Variants in LSR observed in about 807,000 individuals in gnomAD.
The protein encoded by LSR is lipolysis stimulated lipoprotein receptor.
LSR carries 44 observed loss-of-function variants against 61.8 expected under a neutral mutation model. That is an observed-to-expected ratio of 0.71 (90% CI 0.56 to 0.91). The LOEUF is 0.91. Ranked by LOEUF, LSR falls within the 40% of genes least tolerant of loss-of-function variation. The pLI, the probability that LSR is intolerant of heterozygous loss-of-function variation, is 0.00. For missense variants in LSR, 911 were observed against 830.5 expected, an observed-to-expected ratio of 1.10 and a Z score of -1.19; for synonymous variants, 397 against 350.6, an observed-to-expected ratio of 1.13 and a Z score of -1.48.
chr19:35,262,940 T>C, intron 5 of LSR: 1 of 511,120 alleles, frequency 2.0e-6, no homozygotes, highest in Non-Finnish European at 3.4e-6. Flanking sequence ...GGTAAAAATG[T>C]CCAACAGTAC....
chr19:35,263,007 G>A (rs556250020), intron 5 of LSR: 49 of 275,602 alleles, frequency 1.8e-4, no homozygotes, highest in African/African-American at 1.0e-3. Context: ...TTGGCTAGGC[G>A]CAGTGATTAC....
chr19:35,267,794 C>T (rs1169129103), intron 9 of LSR, 30 bp from the exon 10 acceptor site: 2 of 1,613,916 alleles, frequency 1.2e-6, no homozygotes, highest in Non-Finnish European at 1.7e-6. Context: ...GTCCCCGCGG[C>T]TCATACCCTT....
chr19:35,260,856 GCATATAGT>G (rs1226381026), intron 3 of LSR, among the ~76,000 whole-genome samples: 2 of 151,236 alleles, frequency 1.3e-5, no homozygotes, highest in Non-Finnish European at 2.9e-5. Context: ...ACACACACAC[GCATATAGT>G]CCATTAGGCA....
intron 5 of LSR, chr19:35,264,306 A>T (rs2065968603): frequency 6.6e-6 from 1 of 152,156 alleles, no homozygotes; most frequent in African/African-American, 2.4e-5. Context: ...CAGAAGACAG[A>T]GAGAGAGGGA....
intron 5 of LSR, 91 bp downstream of exon 5, chr19:35,262,783 C>G: frequency 2.0e-6 from 3 of 1,512,622 alleles, no homozygotes; most frequent in Non-Finnish European, 2.7e-6. Context: ...AGGACAGTGG[C>G]GTTGGTCTGG....
rs745364316 is a variant in LSR at position 35,250,613 on chromosome 19, G to T, written c.408G>T (p.Val136=). Residue 136 remains valine, a synonymous_variant, in exon 2 of 10, where the codon GTG becomes GTT. Transcript: ENST00000605618. ...RVVATKQGNA[V]TLGDYYQGRR... ...TGGCCACCAAGCAGGGCAACGCTGT[G>T]ACCCTGGGAGATTACTACCAGGGCC... 1 of 1,592,670 alleles carries T rather than the reference G, an allele frequency of 6.3e-7. No individual in the cohort carries two copies. Among genetic ancestry groups the T allele is most frequent in the South Asian group, 1.1e-5 (1 of 89,580 alleles).
At position 35,267,905 on chromosome 19, in the gene LSR, AG is replaced by A. The variant is rs780347577; in HGVS notation, c.*48del. The A allele has an allele frequency of 1.3e-5, 20 of 1,597,960 alleles. No individual in the cohort carries two copies. The African/African-American group carries it at 2.0e-4, about 16-fold the overall frequency. ...TTTTGTATTTTTTTTTTTAATTTGA[AG>A]GAACACTGATGAAGCCCTGCCATAC... On this transcript the variant is annotated 3_prime_UTR_variant, in exon 10 of 10. Transcript: ENST00000605618.
At chr19:35,259,176 C>T (rs918816389) in intron 3 of LSR, 112 bp downstream of exon 3, 54 of 1,373,988 alleles carry the variant, frequency 3.9e-5, no homozygotes, top group Non-Finnish European at 4.9e-5. Flanking sequence ...TGGGCTCTGT[C>T]GCCTGCTCTG....
intron 3 of LSR, 135 bp downstream of exon 3, chr19:35,259,199 C>G: frequency 8.5e-7 from 1 of 1,174,398 alleles, no homozygotes. Flanking sequence ...CTCCCCCAGG[C>G]TCTGCCAGTC....
intron 5 of LSR, 110 bp downstream of exon 5, chr19:35,262,802 A>G (rs1239872567): frequency 2.2e-6 from 3 of 1,388,304 alleles, no homozygotes; most frequent in Non-Finnish European, 2.9e-6. Flanking sequence ...GGAGGGTGTG[A>G]ATTTAGCCAG....
intron 5 of LSR, 146 bp downstream of exon 5, chr19:35,262,838 TCTG>T: frequency 1.1e-6 from 1 of 906,354 alleles, no homozygotes; most frequent in East Asian, 2.7e-5. Context: ...CTGAGGAGGG[TCTG>T]CTGTTTAGAT....
In LSR at chr19:35,259,052, C is replaced by T; in HGVS notation, c.562C>T (p.Leu188Phe). 1 of 1,613,460 alleles carries T rather than the reference C, an allele frequency of 6.2e-7. No homozygotes were observed. The highest frequency in any genetic ancestry group is 8.5e-7 in the Non-Finnish European group (1 of 1,179,556). Reference protein sequence around the residue: ...LQGNNEAYAELIVLGRTSGVA... With the variant: ...LQGNNEAYAEFIVLGRTSGVA... ...GGGGAACAATGAGGCCTACGCAGAGCTCATCGTCCTTGGTGAGTGGGCCTG... is the reference window on the plus strand; with the variant it reads ...GGGGAACAATGAGGCCTACGCAGAGTTCATCGTCCTTGGTGAGTGGGCCTG... The change falls in exon 3 of 10, where the codon CTC (leucine) becomes TTC (phenylalanine). Residue 188 changes from leucine to phenylalanine, a missense_variant. Transcript: ENST00000605618.
chr19:35,256,699 G>GATGAATGA (rs71167530), intron 2 of LSR, among the ~76,000 whole-genome samples: 3,006 of 150,700 alleles, frequency 0.02, 94 homozygotes, highest in African/African-American at 0.067. Context: ...ATTGTTGAAG[G>GATGAATGA]ATGAATGAAT....
chr19:35,267,377 A>AGG lies in LSR; in HGVS notation c.1413_1414insGG (p.Ser472GlyfsTer77). 1.7e-6 allele frequency: 2 copies of AGG among 1,199,050 alleles called. No individual in the cohort carries two copies. The highest frequency in any genetic ancestry group is 2.4e-6 in the Non-Finnish European group (2 of 833,256). 74.3% of individuals were successfully genotyped at this position (1,199,050 alleles called of 1,614,324 possible). ...GGTCTCCCACGAGTAATGGTGGGAG[A>AGG]AGCCGGGCCTACATGCCCCCGCGGA... is the stretch of plus-strand genomic sequence containing the variant. On this transcript the variant is annotated frameshift_variant, in exon 9 of 10. Transcript: ENST00000605618. LOFTEE classifies it high-confidence loss of function.
rs112787787 is a variant in LSR at position 35,266,565 on chromosome 19, G to A, written c.952+33G>A. 139 of 1,599,762 alleles carry A rather than the reference G, an allele frequency of 8.7e-5. 1 individual carries two copies. In the African/African-American group the frequency reaches 1.6e-3, roughly 18 times the overall value. On this transcript the variant is annotated intron_variant, in intron 6 of 9. Transcript: ENST00000605618. The stretch of plus-strand genomic sequence containing the variant: ...CGGGGGAAGCAGGAACAGCTGGTGG[G>A]AGTGTGCTGGGCATCTGGACACTGA...
chr19:35,266,481 T>C lies in LSR; in HGVS notation c.901T>C (p.Tyr301His). The C allele has an allele frequency of 1.2e-6, 2 of 1,612,374 alleles. No homozygotes were observed. Among genetic ancestry groups the C allele is most frequent in the Non-Finnish European group, 1.7e-6 (2 of 1,179,092 alleles). Reference sequence around the variant, plus strand: ...AGCTATGATTCCCATGGGCCCTGCCTACAACGGGTACCCTGGAGGATACCC... The same window carrying C: ...AGCTATGATTCCCATGGGCCCTGCCCACAACGGGTACCCTGGAGGATACCC... ...PPAMIPMGPAYNGYPGGYPGD... is the reference protein window; with the variant it reads ...PPAMIPMGPAHNGYPGGYPGD... The change falls in exon 6 of 10, where the codon TAC (tyrosine) becomes CAC (histidine). Residue 301 changes from tyrosine to histidine, a missense_variant. Physicochemically the swap from Tyr to His is moderately conservative, Grantham distance 83. Transcript: ENST00000605618.
At position 35,250,467 on chromosome 19, in the gene LSR, A is replaced by T. The variant is rs367584968; in HGVS notation, c.262A>T (p.Ile88Phe). Residue 88 changes from isoleucine (I) to phenylalanine (F), a missense_variant, in exon 2 of 10, where the codon ATC (isoleucine) becomes TTC (phenylalanine). By Grantham distance (21) the Ile-to-Phe change is conservative. Transcript: ENST00000605618. Reference protein sequence around the residue: ...WKYKSFCRDRIADAFSPASVD... With the variant: ...WKYKSFCRDRFADAFSPASVD... Reference sequence around the variant, plus strand: ...GTACAAGTCTTTCTGCCGGGACCGCATCGCCGATGCCTTCTCCCCGGCCAG... The same window carrying T: ...GTACAAGTCTTTCTGCCGGGACCGCTTCGCCGATGCCTTCTCCCCGGCCAG... 28 of 1,614,100 alleles carry T rather than the reference A, an allele frequency of 1.7e-5. No individual in the cohort carries two copies. In the South Asian group the frequency reaches 3.1e-4, roughly 18 times the overall value.
intron 4 of LSR, 32 bp downstream of exon 4, chr19:35,262,013 C>T (rs1001614158): frequency 7.3e-6 from 11 of 1,515,690 alleles, no homozygotes; most frequent in Admixed American, 5.1e-5. Context: ...TTGGGCTTCT[C>T]GGGAGCTCCC....
At chr19:35,253,010 G>T (rs1287743631) in intron 2 of LSR, among the ~76,000 whole-genome samples, 1 of 150,092 alleles carries the variant, frequency 6.7e-6, no homozygotes, top group Non-Finnish European at 1.5e-5. Flanking sequence ...GACAGAGTGA[G>T]ACCCTGTCTT....
Sources: gnomAD v4.1 joint callset for allele counts (sites outside exome capture counted in the v4.1 genomes callset) on GRCh38, gnomAD v4.1.1 for gene constraint, MANE v1.5 for transcripts, NCBI Gene and HGNC (gene_info 2026-07-23, HGNC 2026-07-21) for gene names.